ADAMTS19: variants seen among roughly 807,000 people sequenced by gnomAD.
The protein encoded by ADAMTS19 is A disintegrin and metalloproteinase with thrombospondin motifs 19.
ADAMTS19 carries 93 observed loss-of-function variants against 153.3 expected under a neutral mutation model. The observed-to-expected ratio is 0.61, with a 90% CI of 0.51 to 0.72. The LOEUF (loss-of-function observed/expected upper bound fraction) is 0.72. ADAMTS19 is among the 30% of genes least tolerant of loss of function. The probability of loss-of-function intolerance (pLI) is 0.00; values close to 1 mark genes in which losing one functional copy is unlikely to be tolerated. For synonymous variants in ADAMTS19, 600 were observed against 556.6 expected (o/e 1.08, Z -1.10); for missense variants, 1,482 against 1,552.1 (o/e 0.95, Z 0.76).
At chr5:129,624,081 C>G (rs368107721) in intron 10 of ADAMTS19, among the ~76,000 whole-genome samples, 1 of 135,454 alleles carries the variant, frequency 7.4e-6, no homozygotes, top group Admixed American at 8.1e-5. Flanking sequence ...GAGCCGAGAA[C>G]GCGCCACTGC....
In ADAMTS19 at chr5:129,461,390, AGCTGCCGCGGGGATCCAGCGGG is replaced by A. The variant is rs759099117; in HGVS notation, c.389_410del (p.Arg130ProfsTer113). The A allele has an allele frequency of 3.0e-6, 4 of 1,351,654 alleles. No individual in the cohort carries two copies. Among genetic ancestry groups the A allele is most frequent in the South Asian group, 3.9e-5 (2 of 50,876 alleles). 83.7% of individuals were successfully genotyped at this position (1,351,654 alleles called of 1,614,324 possible). ...GAGGACGAGGAGCTCGAGTCGCAGG[AGCTGCCGCGGGGATCCAGCGGG>A]GCTGCCGCCTTGTCCCCGGGCGCCC... On this transcript the variant is annotated frameshift_variant, in exon 2 of 23. Coordinates refer to ENST00000274487, the MANE Select transcript of ADAMTS19 (RefSeq NM_133638.6). LOFTEE classifies it high-confidence loss of function. This position sits in a 1 kb window ranked among gnomAD's most constrained non-coding sequence, Gnocchi z 4.6.
intron 7 of ADAMTS19, among the ~76,000 whole-genome samples, chr5:129,580,644 G>A (rs532406877): frequency 6.6e-6 from 1 of 152,112 alleles, no homozygotes; most frequent in Non-Finnish European, 1.5e-5. Context: ...CAGCATGAAG[G>A]GGTGTTGAAT....
intron 21 of ADAMTS19, among the ~76,000 whole-genome samples, chr5:129,726,861 C>T (rs556564320): frequency 1.2e-4 from 19 of 152,126 alleles, no homozygotes; most frequent in African/African-American, 4.6e-4. Context: ...TTCCATAGTA[C>T]CTGTTAACAT....
At chr5:129,523,271 A>G (rs763270888) in intron 3 of ADAMTS19, among the ~76,000 whole-genome samples, 2 of 152,188 alleles carry the variant, frequency 1.3e-5, no homozygotes, top group Non-Finnish European at 2.9e-5. Context: ...GTGAGAACAC[A>G]TATCCTGAAT....
intron 2 of ADAMTS19, among the ~76,000 whole-genome samples, chr5:129,502,157 T>C (rs1751127015): frequency 1.3e-5 from 2 of 151,978 alleles, no homozygotes; most frequent in African/African-American, 4.8e-5. Flanking sequence ...ACAGAAATAG[T>C]TTCTAGAAAC....
chr5:129,513,502 A>G (rs1751503070), intron 3 of ADAMTS19, among the ~76,000 whole-genome samples: 1 of 152,038 alleles, frequency 6.6e-6, no homozygotes, highest in Admixed American at 6.6e-5. Context: ...TCTCATCTCT[A>G]AAAGAAAAAA....
rs1456678531 is a variant in ADAMTS19 at position 129,647,467 on chromosome 5, A to G, written c.1873-298A>G. On this transcript the variant is annotated intron_variant, in intron 11 of 22. Transcript: ENST00000274487. ...TTGGATTTTCTTTCCTGGTTGTGCAACCTCAGATTCCCTACCCATAATCTT... is the reference window on the plus strand; with the variant it reads ...TTGGATTTTCTTTCCTGGTTGTGCAGCCTCAGATTCCCTACCCATAATCTT... Among the ~76,000 whole-genome samples the G allele has an allele frequency of 2.6e-5, 4 of 152,032 alleles. 1 individual carries two copies. Among genetic ancestry groups the G allele is most frequent in the Non-Finnish European group, 5.9e-5 (4 of 68,012 alleles).
chr5:129,529,314 A>C (rs932208238), intron 6 of ADAMTS19, among the ~76,000 whole-genome samples: 7 of 152,188 alleles, frequency 4.6e-5, no homozygotes. Flanking sequence ...AATTTTAGTC[A>C]TCAAAAGTGT....
At chr5:129,471,969 T>C (rs1403367420) in intron 2 of ADAMTS19, among the ~76,000 whole-genome samples, 3 of 152,242 alleles carry the variant, frequency 2.0e-5, no homozygotes, top group African/African-American at 4.8e-5. Context: ...GAAAGTTAGG[T>C]TGATTCCATG....
intron 19 of ADAMTS19, among the ~76,000 whole-genome samples, chr5:129,695,332 C>G (rs961047709): frequency 1.3e-5 from 2 of 152,104 alleles, no homozygotes; most frequent in South Asian, 2.1e-4. Context: ...AGCAAACTGC[C>G]CAATCCCTGA....
chr5:129,575,614 A>C (rs1199380746), intron 7 of ADAMTS19, among the ~76,000 whole-genome samples: 1 of 152,076 alleles, frequency 6.6e-6, no homozygotes, highest in Non-Finnish European at 1.5e-5. Context: ...TCTTTCTTTT[A>C]ATTAACATAA....
chr5:129,722,418 T>C (rs1757042364), intron 21 of ADAMTS19, among the ~76,000 whole-genome samples: 1 of 152,226 alleles, frequency 6.6e-6, no homozygotes, highest in Non-Finnish European at 1.5e-5. Flanking sequence ...TGTCTGTTCA[T>C]GTCCTTTGCC....
intron 11 of ADAMTS19, among the ~76,000 whole-genome samples, chr5:129,645,793 A>G (rs1370629740): frequency 6.6e-6 from 1 of 151,276 alleles, no homozygotes; most frequent in Non-Finnish European, 1.5e-5. Context: ...TTCACATTGA[A>G]TTTTTTTTTC....
intron 11 of ADAMTS19, among the ~76,000 whole-genome samples, chr5:129,647,436 A>AATGTGTTGGATTTTCTTTC (rs1257043474): frequency 6.6e-6 from 1 of 151,892 alleles, no homozygotes; most frequent in Non-Finnish European, 1.5e-5. Context: ...CGGTTTCTTA[A>AATGTGTTGGATTTTCTTTC]ATGTGTTGGA....
chr5:129,654,545 C>G (rs769278420), intron 14 of ADAMTS19, 112 bp downstream of exon 14: 262 of 1,220,306 alleles, frequency 2.1e-4, no homozygotes, highest in Non-Finnish European at 2.8e-4. Flanking sequence ...AAAGATGTTG[C>G]TATAGTCCTG....
chr5:129,658,353 GAAAGAAAGAA>G (rs1753671917), intron 14 of ADAMTS19, among the ~76,000 whole-genome samples: 12 of 150,212 alleles, frequency 8.0e-5, no homozygotes, highest in Admixed American at 6.6e-4. Flanking sequence ...AAGAAAGAAA[GAAAGAAAGAA>G]AGAAAGAGAG....
chr5:129,703,522 C>T (rs919499508), intron 20 of ADAMTS19, among the ~76,000 whole-genome samples: 2 of 152,112 alleles, frequency 1.3e-5, no homozygotes, highest in African/African-American at 4.8e-5. Flanking sequence ...CACTTGAGGC[C>T]AGGAGTTCAA....
chr5:129,572,964 G>A (rs1182486588), intron 7 of ADAMTS19, among the ~76,000 whole-genome samples: 1 of 152,034 alleles, frequency 6.6e-6, no homozygotes, highest in Non-Finnish European at 1.5e-5. Flanking sequence ...AATTTTATCT[G>A]ATTGTTAGAT....
intron 8 of ADAMTS19, among the ~76,000 whole-genome samples, chr5:129,608,506 G>T (rs1476499454): frequency 4.0e-5 from 6 of 151,526 alleles, no homozygotes; most frequent in Non-Finnish European, 8.9e-5. Flanking sequence ...CTTCCAAGAA[G>T]AGTCCTTTTC....
Sources: allele counts gnomAD v4.1 joint callset (sites outside exome capture counted in the v4.1 genomes callset), GRCh38; gene constraint gnomAD v4.1.1; non-coding constraint Gnocchi (gnomAD v3.1); transcripts MANE v1.5; gene names NCBI Gene and HGNC (gene_info 2026-07-23, HGNC 2026-07-21).